The following TTC28 variants were observed in gnomAD, a reference collection of about 807,000 sequenced individuals.
TTC28 encodes the protein tetratricopeptide repeat protein 28.
A neutral mutation model predicts 198.0 loss-of-function variants in TTC28; 61 were observed. That is an observed-to-expected ratio of 0.31 (90% CI 0.25 to 0.38). The LOEUF (loss-of-function observed/expected upper bound fraction) is 0.38. Among genes scored for constraint, TTC28 ranks in the 10% least tolerant of loss-of-function variants. TTC28 has a pLI of 1.00. For synonymous variants in TTC28, 1,171 were observed against 1,297.8 expected, an observed-to-expected ratio of 0.90 and a Z score of 2.10; for missense variants, 2,678 against 3,164.0, an observed-to-expected ratio of 0.85 and a Z score of 3.69.
intron 2 of TTC28, among the ~76,000 whole-genome samples, chr22:28,322,245 T>C (rs1484617319): frequency 6.6e-6 from 1 of 152,148 alleles, no homozygotes; most frequent in African/African-American, 2.4e-5. Context: ...TCTTTTCCAT[T>C]CAAGCCAAAG....
At position 28,097,574 on chromosome 22, in the gene TTC28, C is replaced by CA. The variant is rs138212340; in HGVS notation, c.3548-1167dup. Among the ~76,000 whole-genome samples, 1,317 of 152,210 alleles carry CA rather than the reference C, an allele frequency of 8.7e-3. 32 individuals carry two copies. Among genetic ancestry groups the CA allele is most frequent in the African/African-American group, 0.029 (1,213 of 41,518 alleles). On this transcript the variant is annotated intron_variant, in intron 10 of 22. Transcript: ENST00000397906. Reference sequence around the variant, plus strand: ...AAGCTAATGTACCAATCTGAAACCACAAAAAATGTAAAGGAATTGTTTATA... The same window carrying CA: ...AAGCTAATGTACCAATCTGAAACCACAAAAAAATGTAAAGGAATTGTTTATA...
chr22:28,229,293 T>C (rs925657167), intron 5 of TTC28, among the ~76,000 whole-genome samples: 2 of 152,124 alleles, frequency 1.3e-5, no homozygotes, highest in African/African-American at 4.8e-5. Context: ...ATAAATAAGT[T>C]CTCCATTTGG....
At chr22:28,336,680 G>A (rs1317508362) in intron 2 of TTC28, among the ~76,000 whole-genome samples, 1 of 151,848 alleles carries the variant, frequency 6.6e-6, no homozygotes, top group Admixed American at 6.6e-5. Flanking sequence ...GGTATCGGTG[G>A]TGATATCCGC....
intron 6 of TTC28, among the ~76,000 whole-genome samples, chr22:28,161,369 A>G (rs145448160): frequency 1.2e-4 from 19 of 152,284 alleles, no homozygotes; most frequent in African/African-American, 3.8e-4. Flanking sequence ...CACTGCAACA[A>G]CAAAACAACA....
intron 2 of TTC28, among the ~76,000 whole-genome samples, chr22:28,362,905 A>G (rs2046180863): frequency 6.6e-6 from 1 of 152,212 alleles, no homozygotes; most frequent in Admixed American, 6.5e-5. Flanking sequence ...ATTCAGTTTT[A>G]TAAGGGAAGC....
intron 5 of TTC28, among the ~76,000 whole-genome samples, chr22:28,200,908 A>G (rs1251161652): frequency 6.6e-6 from 1 of 152,198 alleles, no homozygotes; most frequent in Non-Finnish European, 1.5e-5. Context: ...TAAATAAGTA[A>G]TATTTTTGTT....
At chr22:28,231,482 A>G (rs978443738) in intron 5 of TTC28, among the ~76,000 whole-genome samples, 1 of 152,234 alleles carries the variant, frequency 6.6e-6, no homozygotes, top group African/African-American at 2.4e-5. Context: ...TATAATTTGC[A>G]TCTTTAACTC....
chr22:28,330,558 A>G lies in TTC28; in HGVS notation c.382-23915T>C, dbSNP rs981327887. 3.9e-5 allele frequency among the ~76,000 whole-genome samples: 6 copies of G among 152,332 alleles called. No homozygotes were observed. In the South Asian group the frequency reaches 1.2e-3, roughly 32 times the overall value. On this transcript the variant is annotated intron_variant, in intron 2 of 22. Transcript: ENST00000397906. ...CCTTTGTCATTTAAGCTCTCTTTCT[A>G]TAAAACGTAAATTAAAACTTACTAT... is the stretch of plus-strand genomic sequence containing the variant.
At chr22:28,050,140 C>T (rs1227231089) in intron 12 of TTC28, among the ~76,000 whole-genome samples, 1 of 152,134 alleles carries the variant, frequency 6.6e-6, no homozygotes, top group African/African-American at 2.4e-5. Context: ...AGCTCAGGCA[C>T]TTATCCAGGG....
chr22:28,299,270 T>A lies in TTC28; in HGVS notation c.530-1418A>T, dbSNP rs188882912. Among the ~76,000 whole-genome samples the A allele has an allele frequency of 5.8e-4, 88 of 151,356 alleles. 1 individual carries two copies. Among genetic ancestry groups the A allele is most frequent in the Middle Eastern group, 3.4e-3 (1 of 294 alleles). ...AAAAAAAAAACTATAAAAGGGGTGG[T>A]CTCTTTAAATCTTGAGTCTCCTAGC... On this transcript the variant is annotated intron_variant, in intron 3 of 22. Transcript: ENST00000397906.
intron 5 of TTC28, among the ~76,000 whole-genome samples, chr22:28,199,409 A>ATATT (rs1569193371): frequency 2.2e-5 from 3 of 133,742 alleles, no homozygotes; most frequent in African/African-American, 8.3e-5. Flanking sequence ...ATATATATAT[A>ATATT]TATATATATA....
chr22:28,079,142 T>A (rs1248301921), intron 12 of TTC28, among the ~76,000 whole-genome samples: 1 of 151,954 alleles, frequency 6.6e-6, no homozygotes, highest in Non-Finnish European at 1.5e-5. Flanking sequence ...AGCTTTGTGG[T>A]GGGTAGGAGG....
At chr22:28,406,103 A>T (rs1299429294) in intron 2 of TTC28, among the ~76,000 whole-genome samples, 2 of 152,226 alleles carry the variant, frequency 1.3e-5, no homozygotes, top group Non-Finnish European at 2.9e-5. Flanking sequence ...CCTGCACTGC[A>T]TCTTGTTCTT....
At chr22:28,543,884 T>C (rs1487896506) in intron 2 of TTC28, among the ~76,000 whole-genome samples, 1 of 152,042 alleles carries the variant, frequency 6.6e-6, no homozygotes, top group Non-Finnish European at 1.5e-5. Flanking sequence ...TCTAAAAAAA[T>C]AATAATACAC....
intron 12 of TTC28, among the ~76,000 whole-genome samples, chr22:28,074,502 A>G (rs1329819976): frequency 6.6e-6 from 1 of 152,190 alleles, no homozygotes; most frequent in Non-Finnish European, 1.5e-5. Context: ...CATTTGGGAC[A>G]AGAGATAAAA....
At chr22:28,522,653 T>C (rs977202824) in intron 2 of TTC28, among the ~76,000 whole-genome samples, 1 of 151,964 alleles carries the variant, frequency 6.6e-6, no homozygotes, top group Non-Finnish European at 1.5e-5. Flanking sequence ...AGCAGGTCAA[T>C]GGACAATAAT....
intron 5 of TTC28, among the ~76,000 whole-genome samples, chr22:28,167,310 C>T (rs1241147131): frequency 1.3e-5 from 2 of 152,230 alleles, no homozygotes; most frequent in Non-Finnish European, 2.9e-5. Context: ...GGAATCCTCC[C>T]TAACTCATCT....
chr22:28,572,951 C>A (rs577799818), intron 2 of TTC28, among the ~76,000 whole-genome samples: 2 of 152,090 alleles, frequency 1.3e-5, no homozygotes, highest in East Asian at 3.9e-4. Context: ...GAGTCTCAGA[C>A]CAGCCTGAGC....
chr22:28,467,483 G>A (rs1353335732), intron 2 of TTC28, among the ~76,000 whole-genome samples: 2 of 152,106 alleles, frequency 1.3e-5, no homozygotes, highest in African/African-American at 4.8e-5. Flanking sequence ...TTGATTTGTT[G>A]GCATCTACCT....
Sources: allele counts gnomAD v4.1 joint callset (sites outside exome capture counted in the v4.1 genomes callset), GRCh38; gene constraint gnomAD v4.1.1; transcripts MANE v1.5; gene names NCBI Gene and HGNC (gene_info 2026-07-23, HGNC 2026-07-21).